EPM2A: variants seen among roughly 807,000 people sequenced by gnomAD.
The protein encoded by EPM2A is EPM2A glucan phosphatase, laforin.
In EPM2A, 21 loss-of-function variants were observed where a neutral mutation model predicts 26.5. The ratio of observed to expected loss-of-function variants is 0.79; its 90% CI spans 0.56 to 1.14. The LOEUF is 1.14. EPM2A is among the 50% of genes most tolerant of loss of function. EPM2A has a pLI of 0.00. For missense variants in EPM2A, 458 were observed against 440.8 expected (o/e 1.04, Z -0.35); for synonymous variants, 217 against 177.6 (o/e 1.22, Z -1.76).
intron 1 of EPM2A, among the ~76,000 whole-genome samples, chr6:145,716,539 G>A (rs1379557853): frequency 6.6e-6 from 1 of 152,134 alleles, no homozygotes; most frequent in Non-Finnish European, 1.5e-5. Flanking sequence ...GGTGATCCCT[G>A]CCCACGTCCT....
rs1293636397 is a variant in EPM2A at position 145,665,327 on chromosome 6, G to A, written c.476+20795C>T. ...ATAGACACAATAAAAAATGATAAAG[G>A]GGATATCACCACTGATCCCACAGAA... On this transcript the variant is annotated intron_variant, in intron 2 of 3. Coordinates refer to ENST00000367519, the MANE Select transcript of EPM2A (RefSeq NM_005670.4). Among the ~76,000 whole-genome samples, 93 of 60,376 alleles carry A rather than the reference G, an allele frequency of 1.5e-3. 3 individuals carry two copies. In the East Asian group the frequency reaches 0.04, roughly 26 times the overall value. 39.6% of individuals were successfully genotyped at this position (60,376 alleles called of 152,430 possible).
At position 145,625,604 on chromosome 6, in the gene EPM2A, C is replaced by A; in HGVS notation, c.*1812G>T. 1 of 714,528 alleles carries A rather than the reference C, an allele frequency of 1.4e-6. No homozygotes were observed. Among genetic ancestry groups the A allele is most frequent in the East Asian group, 2.7e-5 (1 of 37,214 alleles). The allele number at this position is 714,528 out of a possible 1,614,324, so 44.3% of individuals were successfully genotyped here. A position where few individuals can be genotyped will look rare whatever the true frequency, so the allele number is the denominator to read the frequency against. On this transcript the variant is annotated 3_prime_UTR_variant, in exon 4 of 4. Transcript: ENST00000367519. ...CACATTATGACTGTAAATGAGTTAC[C>A]TGAATACCAATTATTACCTCTAGTT...
chr6:145,526,391 T>A (rs2114779024), intron 2 of EPM2A, among the ~76,000 whole-genome samples: 1 of 152,224 alleles, frequency 6.6e-6, no homozygotes, highest in South Asian at 2.1e-4. Context: ...TCTAGTAGAA[T>A]TCAGTTGTGA....
At position 145,674,864 on chromosome 6, in the gene EPM2A, G is replaced by C. The variant is rs184023954; in HGVS notation, c.476+11258C>G. Among the ~76,000 whole-genome samples, 409 of 152,176 alleles carry C rather than the reference G, an allele frequency of 2.7e-3. 3 individuals are homozygous for C. The highest frequency in any genetic ancestry group is 4.3e-3 in the Non-Finnish European group (291 of 68,004). Reference sequence around the variant, plus strand: ...GAACCAAGTTGGAAAACACTCTTCAGGATATTATCCAGGAGAATTTCTCCA... The same window carrying C: ...GAACCAAGTTGGAAAACACTCTTCACGATATTATCCAGGAGAATTTCTCCA... On this transcript the variant is annotated intron_variant, in intron 2 of 3. Coordinates refer to ENST00000367519, the MANE Select transcript of EPM2A (RefSeq NM_005670.4).
intron 4 of EPM2A, among the ~76,000 whole-genome samples, chr6:145,474,871 C>T (rs901618827): frequency 6.6e-5 from 10 of 152,146 alleles, no homozygotes; most frequent in African/African-American, 2.4e-4. Flanking sequence ...TGAAAAAAAG[C>T]TCATAATCCC....
rs543672553 is a variant in EPM2A at position 145,432,481 on chromosome 6, A to C, written c.556-48384T>G. On this transcript the variant is annotated intron_variant, in intron 4 of 4. Coordinates refer to the EPM2A transcript ENST00000638717. ...CTCTTGAGTGACCAGCTACATTGTAAATGATCAGTTTTTTGAGTCTTTTTT... is the reference window on the plus strand; with the variant it reads ...CTCTTGAGTGACCAGCTACATTGTACATGATCAGTTTTTTGAGTCTTTTTT... 2.7e-5 allele frequency among the ~76,000 whole-genome samples: 4 copies of C among 146,134 alleles called. No individual in the cohort carries two copies. In the South Asian group the frequency reaches 9.1e-4, roughly 33 times the overall value.
At chr6:145,735,687 G>T (rs997459431), upstream of EPM2A, 3 of 1,053,596 alleles carry the variant, frequency 2.8e-6, no homozygotes, top group South Asian at 4.6e-5. Context: ...CGTCCAGGCC[G>T]GCGGGAAGGG....
chr6:145,693,914 C>A (rs142644964), intron 1 of EPM2A, among the ~76,000 whole-genome samples: 6 of 152,008 alleles, frequency 3.9e-5, no homozygotes, highest in African/African-American at 1.4e-4. Flanking sequence ...AAGGGAACTG[C>A]TGTCTGGCAC....
At chr6:145,476,789 T>C (rs186191017) in intron 4 of EPM2A, among the ~76,000 whole-genome samples, 4 of 152,070 alleles carry the variant, frequency 2.6e-5, no homozygotes, top group Admixed American at 2.6e-4. Flanking sequence ...ACCTGTGGGA[T>C]ACAGCCAAAG....
chr6:145,697,822 T>C (rs1477055011), intron 1 of EPM2A, among the ~76,000 whole-genome samples: 1 of 152,184 alleles, frequency 6.6e-6, no homozygotes, highest in East Asian at 1.9e-4. Context: ...TTTTTCAAGG[T>C]GCCCAGATTT....
chr6:145,632,065 G>A (rs1215329107), intron 3 of EPM2A: 1 of 152,100 alleles, frequency 6.6e-6, no homozygotes, highest in Admixed American at 6.5e-5. Flanking sequence ...CCAACTTTGT[G>A]ATTTTCAAAG....
chr6:145,732,001 A>C (rs1020101968), intron 1 of EPM2A, among the ~76,000 whole-genome samples: 1 of 152,198 alleles, frequency 6.6e-6, no homozygotes, highest in African/African-American at 2.4e-5. Flanking sequence ...CCAAATGATC[A>C]ATCAAGTGGG....
At chr6:145,682,284 A>T (rs1195102934) in intron 2 of EPM2A, 1 of 151,946 alleles carries the variant, frequency 6.6e-6, no homozygotes, top group Non-Finnish European at 1.5e-5. Flanking sequence ...TATGGGAAAG[A>T]CTCGCCCCCA....
At chr6:145,548,939 T>A (rs943485877) in intron 2 of EPM2A, among the ~76,000 whole-genome samples, 1 of 152,106 alleles carries the variant, frequency 6.6e-6, no homozygotes, top group African/African-American at 2.4e-5. Context: ...AGGTACTACT[T>A]CCCTGATACT....
intron 2 of EPM2A, among the ~76,000 whole-genome samples, chr6:145,656,567 A>G (rs1778305192): frequency 6.6e-6 from 1 of 152,224 alleles, no homozygotes; most frequent in Non-Finnish European, 1.5e-5. Context: ...GAAACAAACA[A>G]TATCTCTACC....
intron 1 of EPM2A, among the ~76,000 whole-genome samples, chr6:145,708,744 C>A (rs1583097185): frequency 6.6e-6 from 1 of 152,160 alleles, no homozygotes; most frequent in Non-Finnish European, 1.5e-5. Flanking sequence ...ACACAGAGTC[C>A]CCACTGGGGC....
At chr6:145,527,595 G>A (rs1434214353) in intron 2 of EPM2A, among the ~76,000 whole-genome samples, 1 of 151,962 alleles carries the variant, frequency 6.6e-6, no homozygotes, top group Non-Finnish European at 1.5e-5. Flanking sequence ...TTTAAGAATA[G>A]CATCCTCTGC....
chr6:145,589,558 G>C (rs1356338734), intron 2 of EPM2A, among the ~76,000 whole-genome samples: 1 of 151,990 alleles, frequency 6.6e-6, no homozygotes, highest in African/African-American at 2.4e-5. Context: ...CTAAGAAAAA[G>C]AAAATAATAA....
rs968538999 is a variant in EPM2A, at chr6:145,733,299, A to G, written c.301+1899T>C. 1.6e-3 allele frequency among the ~76,000 whole-genome samples: 173 copies of G among 107,876 alleles called. 1 individual carries two copies. Among genetic ancestry groups the G allele is most frequent in the Non-Finnish European group, 1.5e-3 (69 of 47,252 alleles). 70.8% of individuals were successfully genotyped at this position (107,876 alleles called of 152,430 possible). A position where few individuals can be genotyped will look rare whatever the true frequency, so the allele number is the denominator to read the frequency against. On this transcript the variant is annotated intron_variant, in intron 1 of 3. Transcript: ENST00000367519. ...AAAATATTTATCAAAAAAACTGAAA[A>G]TAATAGTAAAAAAAAATCAGCAGGG...
Sources: allele counts gnomAD v4.1 joint callset (sites outside exome capture counted in the v4.1 genomes callset), GRCh38; gene constraint gnomAD v4.1.1; transcripts MANE v1.5; gene names NCBI Gene and HGNC (gene_info 2026-07-23, HGNC 2026-07-21).